Variants in SCART1 observed in about 807,000 individuals in gnomAD.
SCART1 encodes the protein scavenger receptor family member expressed on T cells 1.
Under a neutral mutation model 36.2 loss-of-function variants are expected in SCART1, and 62 were observed. The ratio of observed to expected loss-of-function variants is 1.71; its 90% CI spans 1.40 to 2.12. SCART1 has a LOEUF of 2.12. Among genes scored for constraint, SCART1 ranks in the 30% most tolerant of loss-of-function variants. The pLI, the probability that SCART1 is intolerant of heterozygous loss-of-function variation, is 0.00. For missense variants in SCART1, 1,041 were observed against 540.5 expected (o/e 1.93, Z -9.18); for synonymous variants, 487 against 238.7 (o/e 2.04, Z -9.59).
rs1850626459 is a variant in SCART1 at position 133,457,121 on chromosome 10, T to C, written c.386-158T>C. ...CAGAGCATGAAGCTGGGCACAGGGG[T>C]CTCTCTGAGCCCAGGGCCCTGTGTG... On this transcript the variant is annotated intron_variant, in intron 2 of 11. Coordinates refer to ENST00000640237, the Ensembl canonical transcript of SCART1. 5.0e-6 allele frequency: 3 copies of C among 605,270 alleles called. No homozygotes were observed. The South Asian group carries it at 6.1e-5, about 12-fold the overall frequency. 37.5% of individuals were successfully genotyped at this position (605,270 alleles called of 1,614,324 possible).
At chr10:133,466,155 C>A in intron 9 of SCART1, 80 bp from the exon 10 acceptor site, 1 of 656,878 alleles carries the variant, frequency 1.5e-6, no homozygotes, top group Non-Finnish European at 2.7e-6. Context: ...TGTGGCTGGG[C>A]CCTTGGAGCC....
At chr10:133,458,964 A>C (rs771704989) in intron 4 of SCART1, 57 bp from the exon 5 acceptor site, 12 of 633,264 alleles carry the variant, frequency 1.9e-5, no homozygotes, top group Non-Finnish European at 2.9e-5. Flanking sequence ...ATGACCACAG[A>C]CAGCCATGTT....
rs56978130 is a variant in SCART1 at position 133,454,132 on chromosome 10, G to A, written c.67+68G>A. 4,657 of 701,798 alleles carry A rather than the reference G, an allele frequency of 6.6e-3. 160 individuals carry two copies. The African/African-American group carries it at 0.072, about 11-fold the overall frequency. The allele number at this position is 701,798 out of a possible 1,614,324, so 43.5% of individuals were successfully genotyped here. On this transcript the variant is annotated intron_variant, in intron 1 of 11. Coordinates refer to ENST00000640237, the Ensembl canonical transcript of SCART1. ...TCAGCTCTGTTGATGCCCAGGCCCC[G>A]GGGCATGAGGGTCCCTGCAGTGACC... is the stretch of plus-strand genomic sequence containing the variant.
chr10:133,469,599 G>A (rs189919506), downstream of SCART1, among the ~76,000 whole-genome samples: 1 of 152,104 alleles, frequency 6.6e-6, no homozygotes, highest in Non-Finnish European at 1.5e-5. Flanking sequence ...GTCAGGGGGT[G>A]GGGGGCTAGG....
intron 4 of SCART1, 116 bp downstream of exon 4, chr10:133,458,772 C>A (rs1439230457): frequency 3.0e-6 from 2 of 672,870 alleles, no homozygotes; most frequent in Non-Finnish European, 5.3e-6. Context: ...ATGTTTGCTT[C>A]TGTTGGTTGA....
exon 10 of SCART1, chr10:133,466,249 C>G: frequency 1.4e-6 from 1 of 702,650 alleles, no homozygotes; most frequent in Non-Finnish European, 2.6e-6. Context: ...TGGCCCAGGC[C>G]CCCCACTGCC....
intron 10 of SCART1, 38 bp downstream of exon 10, chr10:133,466,419 G>A (rs115983131): frequency 4.3e-6 from 3 of 692,988 alleles, no homozygotes; most frequent in Non-Finnish European, 7.9e-6. Flanking sequence ...CAACTGGTGT[G>A]CAGGAGCAAG....
chr10:133,465,730 T>C, intron 9 of SCART1, 165 bp downstream of exon 9: 1 of 629,136 alleles, frequency 1.6e-6, no homozygotes, highest in Non-Finnish European at 2.9e-6. Flanking sequence ...TGTGGAGGCC[T>C]GTTTGGGACA....
intron 3 of SCART1, chr10:133,457,961 G>T: frequency 1.9e-6 from 1 of 514,690 alleles, no homozygotes; most frequent in South Asian, 2.0e-5. Context: ...TGGCCTTGTT[G>T]TGCATATGAG....
chr10:133,456,042 G>A (rs1850605677), intron 1 of SCART1, among the ~76,000 whole-genome samples, 195 bp from the exon 2 acceptor site: 1 of 152,106 alleles, frequency 6.6e-6, no homozygotes, highest in African/African-American at 2.4e-5. Flanking sequence ...GAGGGGAGTA[G>A]CCCCCGGGGA....
intron 2 of SCART1, 56 bp downstream of exon 2, chr10:133,456,610 GAGGAGGAGGACTGGGAGGA>G: frequency 3.2e-6 from 2 of 617,398 alleles, no homozygotes; most frequent in Non-Finnish European, 5.8e-6. Flanking sequence ...GTGGGAGGAC[GAGGAGGAGGACTGGGAGGA>G]CGCAGAGGAG....
chr10:133,461,573 G>A (rs1368651751), intron 6 of SCART1, among the ~76,000 whole-genome samples: 1 of 152,146 alleles, frequency 6.6e-6, no homozygotes, highest in East Asian at 1.9e-4. Flanking sequence ...CATTCTTGGG[G>A]TGTTTCTCCA....
Position 133,467,844 on chromosome 10 carries a change from C to A in SCART1, c.2963-3C>A. 1 of 677,938 alleles carries A rather than the reference C, an allele frequency of 1.5e-6. No individual in the cohort carries two copies. The highest frequency in any genetic ancestry group is 2.7e-6 in the Non-Finnish European group (1 of 368,174). The allele number at this position is 677,938 out of a possible 1,614,324, so 42.0% of individuals were successfully genotyped here. On this transcript the variant is annotated splice_polypyrimidine_tract_variant and splice_region_variant and intron_variant, in intron 11 of 11. Transcript: ENST00000640237. The stretch of plus-strand genomic sequence containing the variant: ...TTTGGTCACGCGGTGTCTCTTGCGC[C>A]AGTTTCAGGGGAGGTGTCTAACCTC...
chr10:133,466,362 C>T (rs1217524765), exon 10 of SCART1: 5 of 702,770 alleles, frequency 7.1e-6, no homozygotes, highest in Non-Finnish European at 1.3e-5. Context: ...TGCCTCGAGT[C>T]ACACAAGCCA....
exon 1 of SCART1, chr10:133,454,021 G>T: frequency 2.8e-6 from 2 of 702,994 alleles, no homozygotes; most frequent in Non-Finnish European, 5.2e-6. Flanking sequence ...TCTGGACCCT[G>T]GGACTCGGGC....
At position 133,460,062 on chromosome 10, in the gene SCART1, G is replaced by A. The variant is rs181208200; in HGVS notation, c.1861G>A (p.Asp621Asn). Reference sequence around the variant, plus strand: ...AGCCGGGGCAGGGCGCATCTGGCTGGACGAGCTGGGCTGCCAGGGCCACGA... The same window carrying A: ...AGCCGGGGCAGGGCGCATCTGGCTGAACGAGCTGGGCTGCCAGGGCCACGA... The change falls in exon 6 of 12, where the codon GAC (aspartate) becomes AAC (asparagine). Residue 621 changes from aspartate to asparagine, a missense_variant. Asp to Asn is a conservative substitution (Grantham distance 23, BLOSUM62 1). Transcript: ENST00000640237. 53 of 511,606 alleles carry A rather than the reference G, an allele frequency of 1.0e-4. No homozygotes were observed. In the Admixed American group the frequency reaches 2.1e-3, roughly 21 times the overall value. The allele number at this position is 511,606 out of a possible 1,614,324, so 31.7% of individuals were successfully genotyped here. A position where few individuals can be genotyped will look rare whatever the true frequency, so the allele number is the denominator to read the frequency against.
chr10:133,465,710 G>T, intron 9 of SCART1, 145 bp downstream of exon 9: 2 of 611,648 alleles, frequency 3.3e-6, no homozygotes, highest in East Asian at 2.8e-5. Context: ...TCTGGGATAG[G>T]CTGATTTGCT....
intron 9 of SCART1, 50 bp from the exon 10 acceptor site, chr10:133,466,185 G>A (rs912238380): frequency 5.8e-6 from 4 of 689,160 alleles, no homozygotes; most frequent in Non-Finnish European, 1.1e-5. Context: ...TGCTGAGGGT[G>A]TGCAGGTCCC....
chr10:133,464,703 C>G (rs1850741970), exon 7 of SCART1: 2 of 702,134 alleles, frequency 2.8e-6, no homozygotes, highest in African/African-American at 1.8e-5. Flanking sequence ...GCAGCAATGC[C>G]CTGAAGGACC....
Sources: gnomAD v4.1 joint callset for allele counts (sites outside exome capture counted in the v4.1 genomes callset) on GRCh38, gnomAD v4.1.1 for gene constraint, MANE v1.5 for transcripts, NCBI Gene and HGNC (gene_info 2026-07-23, HGNC 2026-07-21) for gene names.